The following SLC12A1 variants were observed in gnomAD, a reference collection of about 807,000 sequenced individuals.
The protein encoded by SLC12A1 is Na-K-2Cl cotransporter.
A neutral mutation model predicts 130.4 loss-of-function variants in SLC12A1; 89 were observed. The ratio of observed to expected loss-of-function variants is 0.68; its 90% CI spans 0.58 to 0.81. SLC12A1 has a LOEUF of 0.81. Ranked by LOEUF, SLC12A1 falls within the 40% of genes least tolerant of loss-of-function variation. The pLI, the probability that SLC12A1 is intolerant of heterozygous loss-of-function variation, is 0.00. For synonymous variants in SLC12A1, 499 were observed against 460.0 expected (o/e 1.08, Z -1.09); for missense variants, 1,310 against 1,336.4 (o/e 0.98, Z 0.31).
chr15:48,292,229 G>A (rs896848171), intron 24 of SLC12A1, among the ~76,000 whole-genome samples: 2 of 152,224 alleles, frequency 1.3e-5, no homozygotes, highest in South Asian at 4.1e-4. Flanking sequence ...TCGTGGGGCA[G>A]CCTGGATGGG....
chr15:48,265,458 T>C (rs1297665538), intron 17 of SLC12A1, among the ~76,000 whole-genome samples: 1 of 152,234 alleles, frequency 6.6e-6, no homozygotes, highest in East Asian at 1.9e-4. Flanking sequence ...CTGAACTTCC[T>C]TGAATAAAAT....
In SLC12A1 at chr15:48,288,502, A is replaced by G; in HGVS notation, c.2859A>G (p.Glu953=). 1 of 1,530,222 alleles carries G rather than the reference A, an allele frequency of 6.5e-7. No homozygotes were observed. Among genetic ancestry groups the G allele is most frequent in the Non-Finnish European group, 8.9e-7 (1 of 1,126,458 alleles). 94.8% of individuals were successfully genotyped at this position (1,530,222 alleles called of 1,614,324 possible). ...TGGGAGGGAAGATCAACCGCATTGA[A>G]GAAGAAAAAATTGTGTAAGTAGTTT... is the stretch of plus-strand genomic sequence containing the variant. The part of the protein sequence containing the change: ...IYVGGKINRI[E]EEKIVMASLL... Residue 953 remains glutamate (E), a synonymous_variant, in exon 23 of 27, where the codon GAA becomes GAG. Coordinates refer to ENST00000380993, the MANE Select transcript of SLC12A1 (RefSeq NM_000338.3).
chr15:48,287,383 T>C (rs1480390241), intron 21 of SLC12A1, among the ~76,000 whole-genome samples: 1 of 152,066 alleles, frequency 6.6e-6, no homozygotes, highest in East Asian at 1.9e-4. Flanking sequence ...TTTCATCTAA[T>C]TCACAAAGAT....
chr15:48,236,342 AG>A (rs1201309651), intron 9 of SLC12A1, among the ~76,000 whole-genome samples: 2 of 152,216 alleles, frequency 1.3e-5, no homozygotes, highest in African/African-American at 2.4e-5. Flanking sequence ...CTGAGCATAA[AG>A]CAAAGTCTGG....
rs951834768 is a variant in SLC12A1 at position 48,258,318 on chromosome 15, G to A, written c.2043-882G>A. ...GGAGCTTGCAGTGAGCCGAGATCCC[G>A]CCACTGCACTCCAGCCTGGGCGACA... On this transcript the variant is annotated intron_variant, in intron 16 of 26. Coordinates refer to ENST00000380993, the MANE Select transcript of SLC12A1 (RefSeq NM_000338.3). Among the ~76,000 whole-genome samples, 34 of 54,644 alleles carry A rather than the reference G, an allele frequency of 6.2e-4. 3 individuals are homozygous for A. The highest frequency in any genetic ancestry group is 4.0e-4 in the Non-Finnish European group (16 of 39,868). 35.8% of individuals were successfully genotyped at this position (54,644 alleles called of 152,430 possible).
In SLC12A1 at chr15:48,267,719, G is replaced by A. The variant is rs756816921; in HGVS notation, c.2295+18G>A. 2 of 1,612,328 alleles carry A rather than the reference G, an allele frequency of 1.2e-6. No homozygotes were observed. Among genetic ancestry groups the A allele is most frequent in the African/African-American group, 2.7e-5 (2 of 74,830 alleles). ...TTCTTCAGGTAAGGCTGCATTGAGG[G>A]AATGAGCACAGAGGCAAAAGACAAT... is the stretch of plus-strand genomic sequence containing the variant. On this transcript the variant is annotated intron_variant, in intron 18 of 26. Transcript: ENST00000380993.
chr15:48,295,466 A>AGG (rs2042168742), intron 24 of SLC12A1, among the ~76,000 whole-genome samples: 1 of 151,874 alleles, frequency 6.6e-6, no homozygotes, highest in South Asian at 2.1e-4. Context: ...TCCATTAACC[A>AGG]AGCCTCTTTA....
intron 15 of SLC12A1, among the ~76,000 whole-genome samples, chr15:48,254,384 A>G (rs894668369): frequency 6.6e-6 from 1 of 151,996 alleles, no homozygotes; most frequent in Admixed American, 6.6e-5. Context: ...AAACAGCCTA[A>G]GGTATGCTTA....
Position 48,301,499 on chromosome 15 carries a change from T to C in SLC12A1, c.3164+117T>C. On this transcript the variant is annotated intron_variant, in intron 26 of 26. Coordinates refer to ENST00000380993, the MANE Select transcript of SLC12A1 (RefSeq NM_000338.3). Reference sequence around the variant, plus strand: ...GAATTTTGTTTTGTTTTTGTGTTTTTTTTGGGGGGGGGAACACGTGGGATT... The same window carrying C: ...GAATTTTGTTTTGTTTTTGTGTTTTCTTTGGGGGGGGGAACACGTGGGATT... 4.3e-6 allele frequency: 2 copies of C among 462,436 alleles called. 1 individual carries two copies. Among genetic ancestry groups the C allele is most frequent in the South Asian group, 6.9e-5 (2 of 28,840 alleles). The allele number at this position is 462,436 out of a possible 1,614,324, so 28.6% of individuals were successfully genotyped here.
intron 25 of SLC12A1, 98 bp from the exon 26 acceptor site, chr15:48,301,217 T>A (rs1285089226): frequency 7.1e-6 from 6 of 846,630 alleles, no homozygotes; most frequent in Non-Finnish European, 1.2e-5. Flanking sequence ...ATACATTTTT[T>A]AAGATGAGAT....
At chr15:48,280,906 T>C (rs1437369310) in intron 20 of SLC12A1, among the ~76,000 whole-genome samples, 1 of 152,180 alleles carries the variant, frequency 6.6e-6, no homozygotes, top group East Asian at 1.9e-4. Context: ...TTGTTTTTCT[T>C]CTTTTATAAA....
chr15:48,275,581 T>C (rs186362953), intron 20 of SLC12A1, among the ~76,000 whole-genome samples: 28 of 152,132 alleles, frequency 1.8e-4, no homozygotes, highest in African/African-American at 6.3e-4. Flanking sequence ...TGAGTAGGAG[T>C]TAACCAGACA....
chr15:48,277,260 G>T lies in SLC12A1; in HGVS notation c.2485+2607G>T, dbSNP rs151334265. Among the ~76,000 whole-genome samples the T allele has an allele frequency of 4.9e-3, 737 of 151,808 alleles. 8 individuals carry two copies. The highest frequency in any genetic ancestry group is 0.045 in the Middle Eastern group (13 of 292). The stretch of plus-strand genomic sequence containing the variant: ...CACGGAGTAAGATCCAGGAGGAACA[G>T]AAAATTGAGGGAAAGGCATGAATGG... On this transcript the variant is annotated intron_variant, in intron 20 of 26. Transcript: ENST00000380993.
Position 48,207,726 on chromosome 15 carries a change from C to A in SLC12A1, c.7C>A (p.Leu3Met). Reference sequence around the variant, plus strand: ...AAAAAATCAATTTTGGAAGATGTCACTGAACAACTCTTCCAATGTATTTCT... The same window carrying A: ...AAAAAATCAATTTTGGAAGATGTCAATGAACAACTCTTCCAATGTATTTCT... MS[L>M]NNSSNVFLDS... Residue 3 changes from leucine (L) to methionine (M), a missense_variant, in exon 2 of 27, where the codon CTG (leucine) becomes ATG (methionine). By Grantham distance (15) the Leu-to-Met change is conservative. Coordinates refer to ENST00000380993, the MANE Select transcript of SLC12A1 (RefSeq NM_000338.3). 1 of 1,564,446 alleles carries A rather than the reference C, an allele frequency of 6.4e-7. No homozygotes were observed. The highest frequency in any genetic ancestry group is 1.2e-5 in the South Asian group (1 of 81,554).
intron 24 of SLC12A1, among the ~76,000 whole-genome samples, chr15:48,298,527 C>T (rs2042200465): frequency 6.6e-6 from 1 of 152,310 alleles, no homozygotes; most frequent in East Asian, 1.9e-4. Flanking sequence ...AAATCTCAGA[C>T]AGCAACATCA....
intron 9 of SLC12A1, among the ~76,000 whole-genome samples, chr15:48,240,809 G>T (rs2041507306): frequency 6.6e-6 from 1 of 152,002 alleles, no homozygotes; most frequent in Non-Finnish European, 1.5e-5. Context: ...CTTAAGAATT[G>T]ATTTTATATG....
chr15:48,211,288 T>A lies in SLC12A1; in HGVS notation c.420+3149T>A, dbSNP rs2041049339. ...GAAATTGTATGGCCTAGCCTGGCTC[T>A]CCATGTGTAGCAGTCTGGGCCTTCT... On this transcript the variant is annotated intron_variant, in intron 2 of 26. Transcript: ENST00000380993. Among the ~76,000 whole-genome samples, 3 of 152,206 alleles carry A rather than the reference T, an allele frequency of 2.0e-5. No individual in the cohort carries two copies. The South Asian group carries it at 6.2e-4, about 32-fold the overall frequency.
intron 8 of SLC12A1, among the ~76,000 whole-genome samples, chr15:48,234,660 G>T (rs1210450648): frequency 1.3e-5 from 2 of 151,964 alleles, no homozygotes; most frequent in East Asian, 3.9e-4. Flanking sequence ...CAGGAGAATT[G>T]CTTGGTTGCT....
chr15:48,270,300 G>A (rs1239613377), intron 19 of SLC12A1, among the ~76,000 whole-genome samples: 2 of 152,138 alleles, frequency 1.3e-5, no homozygotes, highest in East Asian at 3.9e-4. Context: ...AATATTTGAG[G>A]AGACTTAGGA....
Sources: gnomAD v4.1 joint callset for allele counts (sites outside exome capture counted in the v4.1 genomes callset) on GRCh38, gnomAD v4.1.1 for gene constraint, MANE v1.5 for transcripts, NCBI Gene and HGNC (gene_info 2026-07-23, HGNC 2026-07-21) for gene names.